Variants in TMEM121 observed in about 807,000 individuals in gnomAD.
The protein encoded by TMEM121 is transmembrane protein 121A.
TMEM121 carries 8 observed loss-of-function variants against 16.4 expected under a neutral mutation model. That is an observed-to-expected ratio of 0.49 (90% CI 0.29 to 0.88). The LOEUF (loss-of-function observed/expected upper bound fraction) is 0.88, where lower values mean the gene tolerates loss of function less well. Ranked by LOEUF, TMEM121 falls within the 40% of genes least tolerant of loss-of-function variation. TMEM121 has a pLI of 0.09. For missense variants in TMEM121, 401 were observed against 462.0 expected, an observed-to-expected ratio of 0.87 and a Z score of 1.21; for synonymous variants, 235 against 226.2, an observed-to-expected ratio of 1.04 and a Z score of -0.35.
At position 105,529,260 on chromosome 14, in the gene TMEM121, G is replaced by A. The variant is rs1457992978; in HGVS notation, c.426G>A (p.Lys142=). ...TGGAGTACGTGCGCACCTTCCGCAA[G>A]CGCGAGGACCTGCGCGGCCGCCTGT... ...DRMEYVRTFR[K]REDLRGRLFW... The change falls in exon 2 of 2, where the codon AAG becomes AAA. Residue 142 remains lysine, a synonymous_variant. Transcript: ENST00000392519. 6.4e-7 allele frequency: 1 copy of A among 1,552,248 alleles called. No individual in the cohort carries two copies. Among genetic ancestry groups the A allele is most frequent in the Non-Finnish European group, 8.7e-7 (1 of 1,152,116 alleles).
chr14:105,529,270 C>T lies in TMEM121; in HGVS notation c.436C>T (p.Leu146=), dbSNP rs1555444220. The stretch of plus-strand genomic sequence containing the variant: ...GCGCACCTTCCGCAAGCGCGAGGAC[C>T]TGCGCGGCCGCCTGTTTTGGGTGGC... ...YVRTFRKRED[L]RGRLFWVALD... Residue 146 remains leucine, a synonymous_variant, in exon 2 of 2, where the codon CTG becomes TTG. Transcript: ENST00000392519. The T allele has an allele frequency of 6.5e-7, 1 of 1,545,986 alleles. No homozygotes were observed. The highest frequency in any genetic ancestry group is 8.7e-7 in the Non-Finnish European group (1 of 1,149,188).
Position 105,529,623 on chromosome 14 carries a change from C to G in TMEM121, c.789C>G (p.Thr263=). The G allele has an allele frequency of 6.3e-7, 1 of 1,580,836 alleles. No individual in the cohort carries two copies. The highest frequency in any genetic ancestry group is 8.5e-7 in the Non-Finnish European group (1 of 1,172,064). The change falls in exon 2 of 2, where the codon ACC becomes ACG. Residue 263 remains threonine, a synonymous_variant. Transcript: ENST00000392519. The part of the protein sequence containing the change: ...NVVALATKAC[T]FLEYRRQVRD... ...TGGCGCTCGCCACCAAGGCCTGCAC[C>G]TTCCTGGAGTACCGCCGCCAGGTGC...
In TMEM121 at chr14:105,529,486, C is replaced by G; in HGVS notation, c.652C>G (p.Pro218Ala). 15 of 1,544,022 alleles carry G rather than the reference C, an allele frequency of 9.7e-6. No individual in the cohort carries two copies. The highest frequency in any genetic ancestry group is 1.3e-5 in the Non-Finnish European group (15 of 1,145,270). The change falls in exon 2 of 2, where the codon CCG becomes GCG. Residue 218 changes from proline (P) to alanine (A), a missense_variant. Physicochemically the swap from Pro to Ala is conservative, Grantham distance 27. Coordinates refer to ENST00000392519, the MANE Select transcript of TMEM121 (RefSeq NM_025268.4). ...AGCGCCGCAGAAGATGATGCTGTACCCGGTGCTCAGCCTCGCCACCGTCAA... is the reference window on the plus strand; with the variant it reads ...AGCGCCGCAGAAGATGATGCTGTACGCGGTGCTCAGCCTCGCCACCGTCAA... ...HIAPQKMMLYPVLSLATVNVV... is the reference protein window; with the variant it reads ...HIAPQKMMLYAVLSLATVNVV...
intron 1 of TMEM121, among the ~76,000 whole-genome samples, chr14:105,528,149 G>T (rs1555444011): frequency 6.6e-6 from 1 of 151,804 alleles, no homozygotes; most frequent in East Asian, 1.9e-4. Context: ...GAGGAGGGGC[G>T]TGGGGGCTGC....
At position 105,529,285 on chromosome 14, in the gene TMEM121, T is replaced by C. The variant is rs1567086720; in HGVS notation, c.451T>C (p.Phe151Leu). The C allele has an allele frequency of 8.4e-6, 13 of 1,541,776 alleles. No homozygotes were observed. The highest frequency in any genetic ancestry group is 1.0e-5 in the Non-Finnish European group (12 of 1,147,554). Residue 151 changes from phenylalanine to leucine, a missense_variant, in exon 2 of 2, where the codon TTT becomes CTT. Phe to Leu is a conservative substitution (Grantham distance 22). Coordinates refer to ENST00000392519, the MANE Select transcript of TMEM121 (RefSeq NM_025268.4). ...RKREDLRGRL[F>L]WVALDLLDLL... ...GCGCGAGGACCTGCGCGGCCGCCTG[T>C]TTTGGGTGGCGCTGGACCTGCTGGA...
Position 105,529,775 on chromosome 14 carries a change from G to C in TMEM121, c.941G>C (p.Arg314Pro), listed in dbSNP as rs1567087185. 1.4e-6 allele frequency: 2 copies of C among 1,476,030 alleles called. No individual in the cohort carries two copies. Among genetic ancestry groups the C allele is most frequent in the Admixed American group, 2.7e-5 (1 of 37,480 alleles). 91.4% of individuals were successfully genotyped at this position (1,476,030 alleles called of 1,614,324 possible). A position where few individuals can be genotyped will look rare whatever the true frequency, so the allele number is the denominator to read the frequency against. ...PGRPHMSSPT[R>P]DPLDT ...CGCCCCCACATGTCCTCGCCCACGC[G>C]TGACCCCCTGGACACGTGACAGGGC... The change falls in exon 2 of 2, where the codon CGT (arginine) becomes CCT (proline). Residue 314 changes from arginine to proline, a missense_variant. Transcript: ENST00000392519.
chr14:105,528,952 G>T lies in TMEM121; in HGVS notation c.118G>T (p.Gly40Cys), dbSNP rs1190976350. Reference protein sequence around the residue: ...VEQNQGPRKIGVCIIVLVGDV... With the variant: ...VEQNQGPRKICVCIIVLVGDV... Reference sequence around the variant, plus strand: ...GCAGAACCAGGGCCCGCGCAAGATCGGCGTGTGCATCATCGTGCTGGTGGG... The same window carrying T: ...GCAGAACCAGGGCCCGCGCAAGATCTGCGTGTGCATCATCGTGCTGGTGGG... The change falls in exon 2 of 2, where the codon GGC becomes TGC. Residue 40 changes from glycine (G) to cysteine (C), a missense_variant. Gly to Cys is a radical substitution (Grantham distance 159). Coordinates refer to ENST00000392519, the MANE Select transcript of TMEM121 (RefSeq NM_025268.4). 6 of 1,608,200 alleles carry T rather than the reference G, an allele frequency of 3.7e-6. No homozygotes were observed. Among genetic ancestry groups the T allele is most frequent in the Non-Finnish European group, 5.1e-6 (6 of 1,177,658 alleles).
rs587705014 is a variant in TMEM121 at position 105,526,991 on chromosome 14, G to A, written c.-114+338G>A. 1 of 152,476 alleles carries A rather than the reference G, an allele frequency of 6.6e-6. No individual in the cohort carries two copies. Among genetic ancestry groups the A allele is most frequent in the African/African-American group, 2.4e-5 (1 of 41,528 alleles). The allele number at this position is 152,476 out of a possible 1,614,324, so 9.4% of individuals were successfully genotyped here. A position where few individuals can be genotyped will look rare whatever the true frequency, so the allele number is the denominator to read the frequency against. On this transcript the variant is annotated intron_variant, in intron 1 of 1. Coordinates refer to ENST00000392519, the MANE Select transcript of TMEM121 (RefSeq NM_025268.4). This position sits in a 1 kb window ranked among gnomAD's most constrained non-coding sequence, Gnocchi z 6.8. Reference sequence around the variant, plus strand: ...CCTTGCGGGGCCCGGGCAGTGAAGGGCCTGGAGGCCCCAGAGTCTGTGCCA... The same window carrying A: ...CCTTGCGGGGCCCGGGCAGTGAAGGACCTGGAGGCCCCAGAGTCTGTGCCA...
chr14:105,528,460 G>A (rs1034776622), intron 1 of TMEM121, among the ~76,000 whole-genome samples: 18 of 152,166 alleles, frequency 1.2e-4, no homozygotes, highest in Non-Finnish European at 2.5e-4. Flanking sequence ...CGAGCTCGGC[G>A]GGCAGAAAAC....
intron 1 of TMEM121, 155 bp from the exon 2 acceptor site, chr14:105,528,567 G>T (rs782228826): frequency 1.3e-5 from 3 of 226,174 alleles, no homozygotes; most frequent in Non-Finnish European, 2.5e-5. Flanking sequence ...GTTCGCGGCC[G>T]CCGGTTCGCG....
At position 105,529,847 on chromosome 14, in the gene TMEM121, G is replaced by T; in HGVS notation, c.*53G>T. 1 of 1,367,870 alleles carries T rather than the reference G, an allele frequency of 7.3e-7. No homozygotes were observed. 84.7% of individuals were successfully genotyped at this position (1,367,870 alleles called of 1,614,324 possible). On this transcript the variant is annotated 3_prime_UTR_variant, in exon 2 of 2. Transcript: ENST00000392519. The stretch of plus-strand genomic sequence containing the variant: ...CCTGGGGCGCAGAGACACCGGGTTG[G>T]CTTGGGGCGCGCGGTTTGCATGGGA...
chr14:105,527,198 C>T (rs2084595224), intron 1 of TMEM121: 1 of 152,236 alleles, frequency 6.6e-6, no homozygotes, highest in African/African-American at 2.4e-5. Context: ...CCCCTCGGCC[C>T]GCATCTGCCA....
At position 105,529,359 on chromosome 14, in the gene TMEM121, G is replaced by A; in HGVS notation, c.525G>A (p.Leu175=). 6.5e-7 allele frequency: 1 copy of A among 1,540,606 alleles called. No individual in the cohort carries two copies. Among genetic ancestry groups the A allele is most frequent in the Non-Finnish European group, 8.7e-7 (1 of 1,146,538 alleles). The change falls in exon 2 of 2, where the codon CTG becomes CTA. Residue 175 remains leucine (L), a synonymous_variant. Transcript: ENST00000392519. ...ASLWEPPRSG[L]PLWAEGLTFF... ...TGTGGGAGCCGCCGCGCTCCGGGCTGCCGCTGTGGGCCGAGGGCCTCACCT... is the reference window on the plus strand; with the variant it reads ...TGTGGGAGCCGCCGCGCTCCGGGCTACCGCTGTGGGCCGAGGGCCTCACCT...
In TMEM121 at chr14:105,529,129, G is replaced by C. The variant is rs1394762298; in HGVS notation, c.295G>C (p.Ala99Pro). 1 of 1,601,022 alleles carries C rather than the reference G, an allele frequency of 6.2e-7. No homozygotes were observed. The highest frequency in any genetic ancestry group is 1.3e-5 in the African/African-American group (1 of 74,782). ...CTACTTCATCTTCCAGAACTACAAG[G>C]CGGCGCGGCGCGGCGCGGCGGACCC... ...KLYFIFQNYK[A>P]ARRGAADPVA... The change falls in exon 2 of 2, where the codon GCG becomes CCG. Residue 99 changes from alanine (A) to proline (P), a missense_variant. Coordinates refer to ENST00000392519, the MANE Select transcript of TMEM121 (RefSeq NM_025268.4).
chr14:105,529,980 C>T lies in TMEM121; in HGVS notation c.*186C>T, dbSNP rs1430908412. 5.2e-6 allele frequency: 3 copies of T among 578,288 alleles called. No individual in the cohort carries two copies. Among genetic ancestry groups the T allele is most frequent in the African/African-American group, 2.0e-5 (1 of 49,798 alleles). 35.8% of individuals were successfully genotyped at this position (578,288 alleles called of 1,614,324 possible). On this transcript the variant is annotated 3_prime_UTR_variant, in exon 2 of 2. Transcript: ENST00000392519. ...ATCTCTCGGACCGCGGATCCTCAGC[C>T]CCCGCTCCACCAGCCCGCCCCAGCG... is the stretch of plus-strand genomic sequence containing the variant.
chr14:105,527,676 C>T (rs2084600155), intron 1 of TMEM121, among the ~76,000 whole-genome samples: 1 of 151,862 alleles, frequency 6.6e-6, no homozygotes, highest in African/African-American at 2.4e-5. Flanking sequence ...TCCGAGCGCC[C>T]GACTGTCACG....
intron 1 of TMEM121, among the ~76,000 whole-genome samples, chr14:105,528,262 C>T (rs2084604995): frequency 6.6e-6 from 1 of 151,734 alleles, no homozygotes; most frequent in Non-Finnish European, 1.5e-5. Context: ...CCGAGGCCTC[C>T]TTGGGTACTC....
Position 105,529,760 on chromosome 14 carries a change from T to C in TMEM121, c.926T>C (p.Met309Thr). The C allele has an allele frequency of 1.3e-6, 2 of 1,492,406 alleles. No individual in the cohort carries two copies. The highest frequency in any genetic ancestry group is 1.4e-5 in the African/African-American group (1 of 70,200). The allele number at this position is 1,492,406 out of a possible 1,614,324, so 92.4% of individuals were successfully genotyped here. Residue 309 changes from methionine (M) to threonine (T), a missense_variant, in exon 2 of 2, where the codon ATG becomes ACG. Transcript: ENST00000392519. ...PLHGPPGRPH[M>T]SSPTRDPLDT is the part of the protein sequence containing the mutation. Reference sequence around the variant, plus strand: ...CACGGCCCGCCTGGGCGCCCCCACATGTCCTCGCCCACGCGTGACCCCCTG... The same window carrying C: ...CACGGCCCGCCTGGGCGCCCCCACACGTCCTCGCCCACGCGTGACCCCCTG...
In TMEM121 at chr14:105,529,938, G is replaced by A. The variant is rs1394859717; in HGVS notation, c.*144G>A. The A allele has an allele frequency of 7.6e-6, 6 of 792,024 alleles. No individual in the cohort carries two copies. Among genetic ancestry groups the A allele is most frequent in the African/African-American group, 7.4e-5 (4 of 53,834 alleles). 49.1% of individuals were successfully genotyped at this position (792,024 alleles called of 1,614,324 possible). A position where few individuals can be genotyped will look rare whatever the true frequency, so the allele number is the denominator to read the frequency against. ...TGCCCGTGCCTGGGGTCCCGCGGCC[G>A]CTTCTTCATCTCAGGAATCTCTCGG... is the stretch of plus-strand genomic sequence containing the variant. On this transcript the variant is annotated 3_prime_UTR_variant, in exon 2 of 2. Transcript: ENST00000392519.
Sources: allele counts gnomAD v4.1 joint callset (sites outside exome capture counted in the v4.1 genomes callset), GRCh38; gene constraint gnomAD v4.1.1; non-coding constraint Gnocchi (gnomAD v3.1); transcripts MANE v1.5; gene names NCBI Gene and HGNC (gene_info 2026-07-23, HGNC 2026-07-21).